The following PTGR1 variants were observed in gnomAD, a reference collection of about 807,000 sequenced individuals.
PTGR1 encodes 15-oxoprostaglandin 13-reductase.
Under a neutral mutation model 37.7 loss-of-function variants are expected in PTGR1, and 23 were observed. The observed-to-expected ratio is 0.61, with a 90% CI of 0.44 to 0.86. The LOEUF (loss-of-function observed/expected upper bound fraction) is 0.86. Among genes scored for constraint, PTGR1 ranks in the 40% least tolerant of loss-of-function variants. The pLI, the probability that PTGR1 is intolerant of heterozygous loss-of-function variation, is 0.00. For missense variants in PTGR1, 351 were observed against 394.3 expected, an observed-to-expected ratio of 0.89 and a Z score of 0.93; for synonymous variants, 134 against 140.0, an observed-to-expected ratio of 0.96 and a Z score of 0.30.
intron 9 of PTGR1, among the ~76,000 whole-genome samples, chr9:111,566,429 G>A (rs1361250017): frequency 6.6e-6 from 1 of 152,214 alleles, no homozygotes; most frequent in Non-Finnish European, 1.5e-5. Context: ...CCAAGCTCCA[G>A]TGGCTGCTGG....
chr9:111,549,869 G>A (rs879328337), intron 9 of PTGR1: 5 of 978,206 alleles, frequency 5.1e-6, no homozygotes, highest in Non-Finnish European at 7.8e-6. Context: ...TCTGTCTAGT[G>A]AGTCAATGTT....
At chr9:111,599,287 G>A (rs1405836563) in intron 1 of PTGR1, 1 of 152,214 alleles carries the variant, frequency 6.6e-6, no homozygotes, top group Non-Finnish European at 1.5e-5. Flanking sequence ...TCCCCCAGTT[G>A]TGCAGTCCAG....
chr9:111,567,679 C>T (rs184739282), intron 9 of PTGR1, among the ~76,000 whole-genome samples: 4 of 152,272 alleles, frequency 2.6e-5, no homozygotes, highest in African/African-American at 9.6e-5. Flanking sequence ...AAATGCAGAG[C>T]TTTGCATGGT....
chr9:111,550,304 A>G (rs1402229614), intron 9 of PTGR1, among the ~76,000 whole-genome samples: 2 of 152,178 alleles, frequency 1.3e-5, no homozygotes, highest in Admixed American at 1.3e-4. Context: ...GGTTGGGAGA[A>G]TGGTAGCTTG....
intron 9 of PTGR1, among the ~76,000 whole-genome samples, chr9:111,565,543 G>A (rs778916630): frequency 6.9e-4 from 105 of 152,160 alleles, no homozygotes; most frequent in Non-Finnish European, 1.2e-3. Flanking sequence ...TTGTTTTTGA[G>A]ACAGGGTCTT....
chr9:111,564,522 T>A (rs1828466093), intron 9 of PTGR1, among the ~76,000 whole-genome samples: 1 of 151,530 alleles, frequency 6.6e-6, no homozygotes, highest in Admixed American at 6.6e-5. Flanking sequence ...CCCAGGTTGG[T>A]CTCAAAGGCC....
chr9:111,570,852 C>A (rs1828787685), intron 8 of PTGR1, among the ~76,000 whole-genome samples: 1 of 152,040 alleles, frequency 6.6e-6, no homozygotes, highest in Non-Finnish European at 1.5e-5. Flanking sequence ...CCCAATATAA[C>A]AGCAAAGGTC....
chr9:111,565,234 G>A (rs1016865491), intron 9 of PTGR1, among the ~76,000 whole-genome samples: 17 of 152,116 alleles, frequency 1.1e-4, no homozygotes, highest in African/African-American at 3.4e-4. Flanking sequence ...AGAAGGCCAC[G>A]TGAAGATGCA....
downstream of PTGR1, among the ~76,000 whole-genome samples, chr9:111,560,551 G>C (rs377244270): frequency 4.9e-5 from 7 of 141,984 alleles, no homozygotes; most frequent in African/African-American, 1.8e-4. Flanking sequence ...TGAGGCAGGA[G>C]AATTGCTTGA....
At chr9:111,555,133 T>C (rs962561390) in intron 9 of PTGR1, among the ~76,000 whole-genome samples, 10 of 152,144 alleles carry the variant, frequency 6.6e-5, no homozygotes, top group African/African-American at 2.4e-4. Flanking sequence ...TTCCACTTAG[T>C]ATCCTGTTTT....
intron 7 of PTGR1, among the ~76,000 whole-genome samples, chr9:111,575,992 A>G (rs940904070): frequency 1.1e-4 from 16 of 150,574 alleles, no homozygotes; most frequent in South Asian, 2.1e-4. Context: ...CATCTCTACA[A>G]AAAAAAAATA....
chr9:111,587,199 GCCT>G (rs1829460504), intron 4 of PTGR1, among the ~76,000 whole-genome samples: 3 of 152,010 alleles, frequency 2.0e-5, no homozygotes, highest in South Asian at 4.2e-4. Context: ...CTGGCTTTTT[GCCT>G]CCTCCTCTAA....
intron 2 of PTGR1, 74 bp from the exon 3 acceptor site, chr9:111,594,341 A>G: frequency 7.5e-7 from 1 of 1,333,170 alleles, no homozygotes; most frequent in Non-Finnish European, 1.1e-6. Context: ...GAGCACCACT[A>G]GACAGGAGGG....
At chr9:111,564,201 C>A in intron 9 of PTGR1, 1 of 1,064,350 alleles carries the variant, frequency 9.4e-7, no homozygotes, top group Admixed American at 5.1e-5. Context: ...TGGCTTAGCA[C>A]TCTTCATGGA....
At chr9:111,578,992 C>A in intron 6 of PTGR1, 41 bp from the exon 7 acceptor site, 2 of 1,549,920 alleles carry the variant, frequency 1.3e-6, no homozygotes, top group South Asian at 1.2e-5. Flanking sequence ...ATGAATAAGT[C>A]ACAAGCATGG....
intron 8 of PTGR1, among the ~76,000 whole-genome samples, chr9:111,573,739 C>G (rs1336780630): frequency 6.6e-6 from 1 of 152,102 alleles, no homozygotes; most frequent in African/African-American, 2.4e-5. Flanking sequence ...CCATTCCTCT[C>G]CACACCCATA....
intron 4 of PTGR1, among the ~76,000 whole-genome samples, chr9:111,587,130 T>A (rs925174730): frequency 6.6e-6 from 1 of 152,018 alleles, no homozygotes; most frequent in African/African-American, 2.4e-5. Context: ...TTTTCCACTC[T>A]ATTAACACAG....
At chr9:111,588,231 C>G (rs1829501571) in intron 4 of PTGR1, among the ~76,000 whole-genome samples, 1 of 147,282 alleles carries the variant, frequency 6.8e-6, no homozygotes, top group South Asian at 2.1e-4. Context: ...GAGTCTCGCT[C>G]TATTGCCCAG....
At chr9:111,554,039 A>G (rs1395088238) in intron 9 of PTGR1, among the ~76,000 whole-genome samples, 2 of 152,222 alleles carry the variant, frequency 1.3e-5, no homozygotes, top group African/African-American at 4.8e-5. Flanking sequence ...GAAACAGCTG[A>G]GAACCACAGG....
Sources: allele counts gnomAD v4.1 joint callset (sites outside exome capture counted in the v4.1 genomes callset), GRCh38; gene constraint gnomAD v4.1.1; transcripts MANE v1.5; gene names NCBI Gene and HGNC (gene_info 2026-07-23, HGNC 2026-07-21).